The following CCDC92B variants were observed in gnomAD, a reference collection of about 807,000 sequenced individuals.
CCDC92B encodes coiled-coil domain containing 92B.
CCDC92B carries 2 observed loss-of-function variants against 5.6 expected under a neutral mutation model. That is an observed-to-expected ratio of 0.36 (90% CI 0.15 to 1.12). The LOEUF (loss-of-function observed/expected upper bound fraction) is 1.12. Among genes scored for constraint, CCDC92B ranks in the 50% most tolerant of loss-of-function variants. CCDC92B has a pLI of 0.40. For missense variants in CCDC92B, 271 were observed against 262.2 expected, an observed-to-expected ratio of 1.03 and a Z score of -0.23; for synonymous variants, 115 against 122.3, an observed-to-expected ratio of 0.94 and a Z score of 0.39.
At chr17:2,732,341 C>T (rs1051333567) in intron 2 of CCDC92B, among the ~76,000 whole-genome samples, 1 of 152,206 alleles carries the variant, frequency 6.6e-6, no homozygotes, top group African/African-American at 2.4e-5. Context: ...ATCACCTCCT[C>T]CTTGGGGGAA....
intron 1 of CCDC92B, among the ~76,000 whole-genome samples, chr17:2,736,653 G>A (rs968978156): frequency 1.3e-5 from 2 of 151,704 alleles, no homozygotes; most frequent in South Asian, 2.1e-4. Flanking sequence ...GGCCAAGGTC[G>A]GCGGATCACT....
At position 2,724,814 on chromosome 17, in the gene CCDC92B, C is replaced by A. The variant is rs2151736125; in HGVS notation, c.365G>T (p.Arg122Leu). 1 of 984,794 alleles carries A rather than the reference C, an allele frequency of 1.0e-6. No homozygotes were observed. Among genetic ancestry groups the A allele is most frequent in the Non-Finnish European group, 1.2e-6 (1 of 829,746 alleles). 61.0% of individuals were successfully genotyped at this position (984,794 alleles called of 1,614,324 possible). A position where few individuals can be genotyped will look rare whatever the true frequency, so the allele number is the denominator to read the frequency against. The change falls in exon 4 of 4, where the codon CGC (arginine) becomes CTC (leucine). Residue 122 changes from arginine (R) to leucine (L), a missense_variant. Coordinates refer to ENST00000614400, the MANE Select transcript of CCDC92B (RefSeq NM_001355573.2). This position sits in a 1 kb window ranked among gnomAD's most constrained non-coding sequence, Gnocchi z 5.0. ...FLEELRRRSH[R>L]ATVLGTELQK... ...CAGCTCGGTGCCCAGCACGGTGGCGCGGTGGCTGCGGCGGCGCAGCTCCTC... is the reference window on the plus strand; with the variant it reads ...CAGCTCGGTGCCCAGCACGGTGGCGAGGTGGCTGCGGCGGCGCAGCTCCTC...
chr17:2,741,675 C>CT (rs968722680), intron 1 of CCDC92B, among the ~76,000 whole-genome samples: 1 of 146,086 alleles, frequency 6.8e-6, no homozygotes, highest in Non-Finnish European at 1.5e-5. Context: ...TCACTGCAAG[C>CT]TCTGCCTCCC....
intron 1 of CCDC92B, among the ~76,000 whole-genome samples, chr17:2,740,901 G>A (rs1268829535): frequency 1.5e-5 from 2 of 134,166 alleles, no homozygotes; most frequent in East Asian, 2.4e-4. Context: ...AGGAGGTCAA[G>A]TCTGCGGTGA....
Position 2,723,020 on chromosome 17 carries a change from G to GGCTAGACAGCAGGGA in CCDC92B, c.*1376_*1390dup, listed in dbSNP as rs2070674673. 6.6e-6 allele frequency: 1 copy of GGCTAGACAGCAGGGA among 152,664 alleles called. No individual in the cohort carries two copies. The highest frequency in any genetic ancestry group is 3.4e-3 in the Middle Eastern group (1 of 296). The allele number at this position is 152,664 out of a possible 1,614,324, so 9.5% of individuals were successfully genotyped here. On this transcript the variant is annotated 3_prime_UTR_variant, in exon 4 of 4. Coordinates refer to ENST00000614400, the MANE Select transcript of CCDC92B (RefSeq NM_001355573.2). ...CCCCTTTCCACGTCGCCATTCCCCA[G>GGCTAGACAGCAGGGA]GCTAGACAGCAGGGAACTGAGCAGC...
intron 2 of CCDC92B, among the ~76,000 whole-genome samples, chr17:2,731,305 G>C (rs1018187758): frequency 1.3e-5 from 2 of 152,040 alleles, no homozygotes; most frequent in African/African-American, 4.8e-5. Context: ...CCATTTCTCA[G>C]CCCAGGTGAG....
At chr17:2,733,169 G>A (rs1297704950) in intron 2 of CCDC92B, among the ~76,000 whole-genome samples, 10 of 151,522 alleles carry the variant, frequency 6.6e-5, no homozygotes, top group Non-Finnish European at 1.0e-4. Context: ...GATCTGGCCC[G>A]TGTCCTAAAA....
intron 2 of CCDC92B, among the ~76,000 whole-genome samples, chr17:2,731,827 G>A (rs1030487083): frequency 2.0e-5 from 3 of 152,230 alleles, no homozygotes; most frequent in Admixed American, 1.3e-4. Context: ...CTAGGTTCAG[G>A]GATTTGGGAG....
chr17:2,733,361 G>A (rs1211178610), intron 2 of CCDC92B, among the ~76,000 whole-genome samples: 13 of 151,204 alleles, frequency 8.6e-5, no homozygotes, highest in Non-Finnish European at 1.5e-4. Flanking sequence ...CCAGGTTCAA[G>A]CGATTCTCCT....
chr17:2,728,113 C>A (rs117682130), intron 3 of CCDC92B, among the ~76,000 whole-genome samples: 267 of 151,738 alleles, frequency 1.8e-3, no homozygotes, highest in Non-Finnish European at 3.2e-3. Context: ...ATTGCTTAAG[C>A]TCAGGAGTTC....
chr17:2,723,886 G>A lies in CCDC92B; in HGVS notation c.*525C>T. ...CTGCAAGGACCTATCGGCAGGGTCA[G>A]GGTGGGGGTAGAAGGACCAGCCCCT... On this transcript the variant is annotated 3_prime_UTR_variant, in exon 4 of 4. Transcript: ENST00000614400. The A allele has an allele frequency of 1.0e-6, 1 of 955,200 alleles. No individual in the cohort carries two copies. Among genetic ancestry groups the A allele is most frequent in the African/African-American group, 1.8e-5 (1 of 56,676 alleles). The allele number at this position is 955,200 out of a possible 1,614,324, so 59.2% of individuals were successfully genotyped here.
intron 1 of CCDC92B, among the ~76,000 whole-genome samples, chr17:2,737,829 C>T (rs1273542975): frequency 1.3e-5 from 2 of 151,822 alleles, no homozygotes; most frequent in African/African-American, 2.4e-5. Flanking sequence ...CTGTGGGGAT[C>T]GCTGGCTACA....
intron 1 of CCDC92B, among the ~76,000 whole-genome samples, chr17:2,744,620 C>T (rs1361549383): frequency 6.6e-6 from 1 of 152,160 alleles, no homozygotes; most frequent in East Asian, 1.9e-4. Context: ...ACTCAGTAAA[C>T]ATCTTTAGAG....
At chr17:2,734,927 G>T in intron 2 of CCDC92B, 89 bp downstream of exon 2, 2 of 939,326 alleles carry the variant, frequency 2.1e-6, no homozygotes, top group Non-Finnish European at 2.5e-6. Flanking sequence ...AGGCTCACGG[G>T]GGCTGTTGGT....
chr17:2,725,882 G>T (rs1429741990), intron 3 of CCDC92B, among the ~76,000 whole-genome samples: 1 of 151,768 alleles, frequency 6.6e-6, no homozygotes, highest in Non-Finnish European at 1.5e-5. Context: ...CAGATGGAGG[G>T]AACAGCTTGT....
Position 2,724,815 on chromosome 17 carries a change from G to A in CCDC92B, c.364C>T (p.Arg122Cys), listed in dbSNP as rs2070706208. The A allele has an allele frequency of 1.4e-5, 14 of 984,708 alleles. No individual in the cohort carries two copies. The highest frequency in any genetic ancestry group is 3.5e-5 in the African/African-American group (2 of 57,096). 61.0% of individuals were successfully genotyped at this position (984,708 alleles called of 1,614,324 possible). A position where few individuals can be genotyped will look rare whatever the true frequency, so the allele number is the denominator to read the frequency against. Residue 122 changes from arginine (R) to cysteine (C), a missense_variant, in exon 4 of 4, where the codon CGC becomes TGC. Arg to Cys is a radical substitution (Grantham distance 180). Transcript: ENST00000614400. The surrounding 1 kb of genome is among the most constrained non-coding windows in gnomAD (Gnocchi z 5.0). ...AGCTCGGTGCCCAGCACGGTGGCGC[G>A]GTGGCTGCGGCGGCGCAGCTCCTCC... ...FLEELRRRSH[R>C]ATVLGTELQK...
At chr17:2,733,016 A>G (rs2070813295) in intron 2 of CCDC92B, among the ~76,000 whole-genome samples, 1 of 131,298 alleles carries the variant, frequency 7.6e-6, no homozygotes, top group Non-Finnish European at 1.7e-5. Flanking sequence ...CTGTCTCAAA[A>G]TAAATAAATA....
chr17:2,732,710 CTG>C (rs1409818868), intron 2 of CCDC92B, among the ~76,000 whole-genome samples: 1 of 150,816 alleles, frequency 6.6e-6, no homozygotes, highest in African/African-American at 2.4e-5. Context: ...GAGCAAGACT[CTG>C]TTGTAAAAAT....
intron 3 of CCDC92B, among the ~76,000 whole-genome samples, chr17:2,730,166 GTTGTT>G (rs1238491963): frequency 4.6e-5 from 7 of 152,270 alleles, no homozygotes; most frequent in Non-Finnish European, 1.5e-5. Context: ...GGTGGTGCAG[GTTGTT>G]CACTGCACAA....
Sources: allele counts gnomAD v4.1 joint callset (sites outside exome capture counted in the v4.1 genomes callset), GRCh38; gene constraint gnomAD v4.1.1; non-coding constraint Gnocchi (gnomAD v3.1); transcripts MANE v1.5; gene names NCBI Gene and HGNC (gene_info 2026-07-23, HGNC 2026-07-21).